The following PTDSS2 variants were observed in gnomAD, a reference collection of about 807,000 sequenced individuals.
PTDSS2 encodes phosphatidylserine synthase 2.
Under a neutral mutation model 64.7 loss-of-function variants are expected in PTDSS2, and 41 were observed. That is an observed-to-expected ratio of 0.63 (90% CI 0.49 to 0.82). The LOEUF is 0.82. Ranked by LOEUF, PTDSS2 falls within the 40% of genes least tolerant of loss-of-function variation. The pLI is 0.00. For synonymous variants in PTDSS2, 297 were observed against 277.8 expected, an observed-to-expected ratio of 1.07 and a Z score of -0.69; for missense variants, 485 against 650.0, an observed-to-expected ratio of 0.75 and a Z score of 2.76.
Position 460,370 on chromosome 11 carries a change from C to G in PTDSS2, c.284+82C>G, listed in dbSNP as rs752966772. 9.9e-6 allele frequency: 12 copies of G among 1,212,658 alleles called. No homozygotes were observed. Among genetic ancestry groups the G allele is most frequent in the Non-Finnish European group, 1.2e-5 (10 of 833,392 alleles). 75.1% of individuals were successfully genotyped at this position (1,212,658 alleles called of 1,614,324 possible). A position where few individuals can be genotyped will look rare whatever the true frequency, so the allele number is the denominator to read the frequency against. On this transcript the variant is annotated intron_variant, in intron 2 of 11. Transcript: ENST00000308020. This position sits in a 1 kb window ranked among gnomAD's most constrained non-coding sequence, Gnocchi z 5.8. ...GTGGCACCCTTACTGCTCGGGCTGC[C>G]GGGGGCTCAGAAGGCCTTCACCAGA...
At chr11:452,317 T>C (rs1846371440) in intron 1 of PTDSS2, among the ~76,000 whole-genome samples, 1 of 152,260 alleles carries the variant, frequency 6.6e-6, no homozygotes, top group African/African-American at 2.4e-5. Context: ...GGTGCAGGCA[T>C]GGAACTTCAG....
intron 3 of PTDSS2, 60 bp downstream of exon 3, chr11:474,037 C>G (rs930679467): frequency 3.1e-5 from 42 of 1,352,090 alleles, no homozygotes; most frequent in Middle Eastern, 1.8e-4. Flanking sequence ...AGCGGCCACT[C>G]TGTGTCTGTG....
intron 4 of PTDSS2, among the ~76,000 whole-genome samples, chr11:481,488 G>C (rs1848070625): frequency 1.3e-5 from 2 of 152,170 alleles, no homozygotes; most frequent in African/African-American, 4.8e-5. Flanking sequence ...CTTGAAGATG[G>C]GATGGCTTTC....
At chr11:474,718 G>C (rs1847643712) in intron 3 of PTDSS2, among the ~76,000 whole-genome samples, 2 of 152,204 alleles carry the variant, frequency 1.3e-5, no homozygotes, top group Admixed American at 6.5e-5. Flanking sequence ...GAAGTAATTA[G>C]AAACATTTTC....
chr11:480,858 G>A (rs1022776105), intron 4 of PTDSS2, among the ~76,000 whole-genome samples: 3 of 152,182 alleles, frequency 2.0e-5, no homozygotes, highest in South Asian at 2.1e-4. Context: ...TGAGGTGGGC[G>A]GATCACAAGG....
Position 460,145 on chromosome 11 carries a change from G to A in PTDSS2, c.183-42G>A, listed in dbSNP as rs141995239. 10 of 1,530,854 alleles carry A rather than the reference G, an allele frequency of 6.5e-6. No homozygotes were observed. In the African/African-American group the frequency reaches 1.2e-4, roughly 19 times the overall value. The allele number at this position is 1,530,854 out of a possible 1,614,324, so 94.8% of individuals were successfully genotyped here. A position where few individuals can be genotyped will look rare whatever the true frequency, so the allele number is the denominator to read the frequency against. ...TGTTACGTGAGTATTTAGCAATGCT[G>A]CCCAAGCTCTGACACCATGCTTATG... On this transcript the variant is annotated intron_variant, in intron 1 of 11. Coordinates refer to ENST00000308020, the MANE Select transcript of PTDSS2 (RefSeq NM_030783.3). This position sits in a 1 kb window ranked among gnomAD's most constrained non-coding sequence, Gnocchi z 5.8.
At chr11:451,458 T>A in intron 1 of PTDSS2, 2 of 435,118 alleles carry the variant, frequency 4.6e-6, no homozygotes, top group Non-Finnish European at 9.4e-6. Context: ...AAAGCAGGCT[T>A]CGTGAGAGGA....
Position 488,608 on chromosome 11 carries a change from C to T in PTDSS2, c.815C>T (p.Thr272Met). ...ACCCTTGAGTGGCTGTCCCTGAAGA[C>T]GTACAAGTGGCAGGGCCTCTGGAAC... ...MKTLEWLSLKTYKWQGLWNIP... is the reference protein window; with the variant it reads ...MKTLEWLSLKMYKWQGLWNIP... The change falls in exon 8 of 12, where the codon ACG becomes ATG. Residue 272 changes from threonine (T) to methionine (M), a missense_variant. By Grantham distance (81) the Thr-to-Met change is moderately conservative (BLOSUM62 -1). Around this residue, in one of 3 missense-constraint regions of PTDSS2, gnomAD observed 15 missense variants for 44.7 expected, o/e 0.34. Transcript: ENST00000308020. 1 of 1,613,260 alleles carries T rather than the reference C, an allele frequency of 6.2e-7. No homozygotes were observed. The highest frequency in any genetic ancestry group is 8.5e-7 in the Non-Finnish European group (1 of 1,179,858).
At position 489,660 on chromosome 11, in the gene PTDSS2, C is replaced by T; in HGVS notation, c.1042C>T (p.Leu348Phe). 6.3e-7 allele frequency: 1 copy of T among 1,597,830 alleles called. No homozygotes were observed. Among genetic ancestry groups the T allele is most frequent in the Non-Finnish European group, 8.5e-7 (1 of 1,173,060 alleles). The change falls in exon 10 of 12, where the codon CTC becomes TTC. Residue 348 changes from leucine (L) to phenylalanine (F), a missense_variant. This residue lies in a region of PTDSS2 where 219 missense variants were observed against 257.3 expected (regional missense o/e 0.85). Coordinates refer to ENST00000308020, the MANE Select transcript of PTDSS2 (RefSeq NM_030783.3). ...LWMPPEHYLV[L>F]LRLVFFVNVG... is the part of the protein sequence containing the mutation. The stretch of plus-strand genomic sequence containing the variant: ...GATGCCCCCGGAGCACTACCTGGTC[C>T]TCCTGCGGCTCGTCTTCTTCGTGAA...
intron 1 of PTDSS2, among the ~76,000 whole-genome samples, chr11:452,369 G>T (rs1339617627): frequency 6.6e-6 from 1 of 152,264 alleles, no homozygotes; most frequent in Non-Finnish European, 1.5e-5. Flanking sequence ...TGTGGCAGGA[G>T]CCAGGGGGCA....
rs1847824632 is a variant in PTDSS2, at chr11:476,775, G to C, written c.368-2310G>C. On this transcript the variant is annotated intron_variant, in intron 3 of 11. Coordinates refer to ENST00000308020, the MANE Select transcript of PTDSS2 (RefSeq NM_030783.3). The surrounding 1 kb of genome is among the most constrained non-coding windows in gnomAD (Gnocchi z 4.9). ...CCCCTCCCACTGGGCAGGACTGGGG[G>C]TTCCTGGGGTGTTCAGTTTTTAGTC... 6.6e-6 allele frequency among the ~76,000 whole-genome samples: 1 copy of C among 152,232 alleles called. No individual in the cohort carries two copies. The highest frequency in any genetic ancestry group is 2.4e-5 in the African/African-American group (1 of 41,462).
At chr11:483,923 G>A (rs1313088537) in intron 4 of PTDSS2, among the ~76,000 whole-genome samples, 1 of 152,156 alleles carries the variant, frequency 6.6e-6, no homozygotes, top group Non-Finnish European at 1.5e-5. Context: ...AGATGTGTCT[G>A]TCAGGCTTTC....
At position 488,661 on chromosome 11, in the gene PTDSS2, G is replaced by T. The variant is rs1477501433; in HGVS notation, c.854+14G>T. On this transcript the variant is annotated intron_variant, in intron 8 of 11. Transcript: ENST00000308020. ...TCCGACCTACAAGTACGTCGTGGGGGCTGCGAGGGCAGGGCCGGGTGGGGG... is the reference window on the plus strand; with the variant it reads ...TCCGACCTACAAGTACGTCGTGGGGTCTGCGAGGGCAGGGCCGGGTGGGGG... 5.1e-6 allele frequency: 8 copies of T among 1,579,022 alleles called. No individual in the cohort carries two copies. The highest frequency in any genetic ancestry group is 6.9e-6 in the Non-Finnish European group (8 of 1,153,522).
chr11:472,066 GCGGATGGCGGCCTGGGGTGACA>G (rs1847487748), intron 2 of PTDSS2, among the ~76,000 whole-genome samples: 1 of 149,396 alleles, frequency 6.7e-6, no homozygotes, highest in Non-Finnish European at 1.5e-5. Flanking sequence ...CTGGGGTAAC[GCGGATGGCGGCCTGGGGTGACA>G]CAGATGGTAG....
chr11:454,621 A>G (rs1334765326), intron 1 of PTDSS2, among the ~76,000 whole-genome samples: 1 of 152,122 alleles, frequency 6.6e-6, no homozygotes, highest in Non-Finnish European at 1.5e-5. Context: ...CCTGGCCAAT[A>G]TGGTGAAACC....
At chr11:454,155 G>A (rs1343435873) in intron 1 of PTDSS2, among the ~76,000 whole-genome samples, 1 of 152,172 alleles carries the variant, frequency 6.6e-6, no homozygotes, top group Non-Finnish European at 1.5e-5. Flanking sequence ...TACTTTCCAG[G>A]AGCGTTGGAT....
intron 3 of PTDSS2, among the ~76,000 whole-genome samples, chr11:478,610 G>A (rs796870217): frequency 2.6e-5 from 4 of 152,226 alleles, no homozygotes; most frequent in African/African-American, 9.6e-5. Flanking sequence ...AGCCGGGTGT[G>A]CTGGACACCT....
In PTDSS2 at chr11:450,534, G is replaced by A; in HGVS notation, c.79G>A (p.Glu27Lys). 1 of 1,241,588 alleles carries A rather than the reference G, an allele frequency of 8.1e-7. No homozygotes were observed. Among genetic ancestry groups the A allele is most frequent in the East Asian group, 3.2e-5 (1 of 31,486 alleles). The allele number at this position is 1,241,588 out of a possible 1,614,324, so 76.9% of individuals were successfully genotyped here. ...PVPAGRASLE[E>K]PPDGPSAGQA... ...GCCCGCGGGCAGGGCCTCGCTGGAG[G>A]AGCCGCCTGACGGGCCGTCTGCCGG... is the stretch of plus-strand genomic sequence containing the variant. The change falls in exon 1 of 12, where the codon GAG becomes AAG. Residue 27 changes from glutamate to lysine, a missense_variant. By Grantham distance (56) the Glu-to-Lys change is moderately conservative. Around this residue, in one of 3 missense-constraint regions of PTDSS2, gnomAD observed 251 missense variants for 348.0 expected, o/e 0.72. Transcript: ENST00000308020.
chr11:486,445 G>T (rs976113984), intron 4 of PTDSS2, among the ~76,000 whole-genome samples: 1 of 152,160 alleles, frequency 6.6e-6, no homozygotes, highest in Non-Finnish European at 1.5e-5. Context: ...CGTGCCTGGG[G>T]GTTCCTTCCC....
Sources: gnomAD v4.1 joint callset for allele counts (sites outside exome capture counted in the v4.1 genomes callset) on GRCh38, gnomAD v4.1.1 for gene constraint, gnomAD v4.1.1 regional missense constraint, Gnocchi (gnomAD v3.1) non-coding constraint, MANE v1.5 for transcripts, NCBI Gene and HGNC (gene_info 2026-07-23, HGNC 2026-07-21) for gene names.